MCTP2: variants seen among roughly 807,000 people sequenced by gnomAD.
MCTP2 encodes the protein multiple C2 and transmembrane domain containing 2.
A neutral mutation model predicts 111.6 loss-of-function variants in MCTP2; 132 were observed. The ratio of observed to expected loss-of-function variants is 1.18; its 90% CI spans 1.03 to 1.37. The LOEUF (loss-of-function observed/expected upper bound fraction) is 1.37, where lower values mean the gene tolerates loss of function less well. Among genes scored for constraint, MCTP2 ranks in the 40% most tolerant of loss-of-function variants. MCTP2 has a pLI of 0.00. For synonymous variants in MCTP2, 395 were observed against 387.7 expected, an observed-to-expected ratio of 1.02 and a Z score of -0.22; for missense variants, 1,183 against 1,067.9, an observed-to-expected ratio of 1.11 and a Z score of -1.50.
chr15:94,377,652 TC>T (rs2079850336), intron 12 of MCTP2, among the ~76,000 whole-genome samples: 1 of 152,212 alleles, frequency 6.6e-6, no homozygotes, highest in Admixed American at 6.5e-5. Flanking sequence ...TTATGATTTT[TC>T]CTGGTGATAT....
chr15:94,369,595 A>G (rs1464980580), intron 11 of MCTP2, among the ~76,000 whole-genome samples: 1 of 151,538 alleles, frequency 6.6e-6, no homozygotes, highest in Non-Finnish European at 1.5e-5. Flanking sequence ...AAAACAGACC[A>G]GAAAATTCAC....
At chr15:94,457,258 G>C (rs946997182) in intron 19 of MCTP2, among the ~76,000 whole-genome samples, 3 of 152,120 alleles carry the variant, frequency 2.0e-5, no homozygotes, top group Non-Finnish European at 2.9e-5. Context: ...CATAGCATCA[G>C]AATATTAAAA....
intron 12 of MCTP2, among the ~76,000 whole-genome samples, chr15:94,379,668 CCTCT>C (rs1282503165): frequency 6.7e-6 from 1 of 148,718 alleles, no homozygotes; most frequent in African/African-American, 2.5e-5. Flanking sequence ...TCGCTATTTG[CCTCT>C]CTCTCTCATA....
At chr15:94,396,251 T>C (rs1176979751) in intron 14 of MCTP2, among the ~76,000 whole-genome samples, 2 of 152,226 alleles carry the variant, frequency 1.3e-5, no homozygotes, top group Non-Finnish European at 2.9e-5. Context: ...AATTGAAAGC[T>C]GTATTTTTCC....
intron 19 of MCTP2, among the ~76,000 whole-genome samples, chr15:94,455,672 G>A (rs751135180): frequency 9.9e-5 from 15 of 152,004 alleles, no homozygotes; most frequent in Non-Finnish European, 2.1e-4. Context: ...TTATCTGCCC[G>A]CCTTGGCCTC....
At chr15:94,291,278 C>T (rs1425760562) in intron 1 of MCTP2, among the ~76,000 whole-genome samples, 1 of 152,022 alleles carries the variant, frequency 6.6e-6, no homozygotes. Context: ...AAACCATGAC[C>T]TAAAGAGAAA....
chr15:94,477,727 CT>C (rs2074483208), intron 22 of MCTP2, among the ~76,000 whole-genome samples: 1 of 152,224 alleles, frequency 6.6e-6, no homozygotes, highest in South Asian at 2.1e-4. Flanking sequence ...CTTAGAGTTT[CT>C]TTCCCCTTCA....
At chr15:94,440,767 G>A (rs1026950687) in intron 18 of MCTP2, among the ~76,000 whole-genome samples, 3 of 152,194 alleles carry the variant, frequency 2.0e-5, no homozygotes, top group Non-Finnish European at 4.4e-5. Flanking sequence ...CAACTCCCAG[G>A]GCAATCAGAG....
rs1308307633 is a variant in MCTP2 at position 94,476,783 on chromosome 15, A to T, written c.2558A>T (p.Asp853Val). The part of the protein sequence containing the change: ...LLDFLSRVPS[D>V]VQKVQYAELK... The stretch of plus-strand genomic sequence containing the variant: ...GACTTCCTCTCTAGGGTACCGTCTG[A>T]TGTTCAAAAGGTATGTAATGAATGG... Residue 853 changes from aspartate (D) to valine (V), a missense_variant, in exon 22 of 23, where the codon GAT becomes GTT. Asp to Val is a radical substitution (Grantham distance 152). Transcript: ENST00000357742. 6.3e-7 allele frequency: 1 copy of T among 1,592,560 alleles called. No homozygotes were observed. Among genetic ancestry groups the T allele is most frequent in the East Asian group, 2.2e-5 (1 of 44,732 alleles).
chr15:94,412,570 G>T (rs1320388970), intron 17 of MCTP2, among the ~76,000 whole-genome samples: 1 of 152,054 alleles, frequency 6.6e-6, no homozygotes. Flanking sequence ...TGTTTGGGAG[G>T]TGTTTAAGTT....
chr15:94,445,560 T>C (rs1235266184), intron 19 of MCTP2, among the ~76,000 whole-genome samples: 1 of 152,182 alleles, frequency 6.6e-6, no homozygotes, highest in Non-Finnish European at 1.5e-5. Flanking sequence ...TGAGTGCACA[T>C]ACACATATGT....
intron 6 of MCTP2, 140 bp from the exon 7 acceptor site, chr15:94,340,673 C>G: frequency 1.8e-6 from 1 of 563,378 alleles, no homozygotes; most frequent in Admixed American, 3.4e-5. Context: ...GTTTTATTTT[C>G]ACTAAATTTT....
At chr15:94,462,634 A>C (rs924901134) in intron 20 of MCTP2, among the ~76,000 whole-genome samples, 1 of 152,190 alleles carries the variant, frequency 6.6e-6, no homozygotes. Context: ...CATGAGTAAC[A>C]TGTGCTTATT....
At chr15:94,466,160 G>A (rs2073269525) in intron 20 of MCTP2, among the ~76,000 whole-genome samples, 2 of 151,900 alleles carry the variant, frequency 1.3e-5, no homozygotes, top group Non-Finnish European at 2.9e-5. Flanking sequence ...TCTCTTACAT[G>A]ATTTTTAACA....
chr15:94,287,875 G>A (rs2074836198), intron 1 of MCTP2, among the ~76,000 whole-genome samples: 1 of 152,186 alleles, frequency 6.6e-6, no homozygotes, highest in South Asian at 2.1e-4. Flanking sequence ...GAAGGAAAGA[G>A]AAAGAGATGA....
intron 19 of MCTP2, among the ~76,000 whole-genome samples, chr15:94,451,016 C>T (rs560783112): frequency 1.3e-4 from 20 of 152,282 alleles, no homozygotes; most frequent in African/African-American, 3.1e-4. Context: ...GGATACCCAA[C>T]GCCAACAAGG....
intron 1 of MCTP2, among the ~76,000 whole-genome samples, chr15:94,258,820 A>G (rs1481372258): frequency 2.6e-5 from 4 of 152,244 alleles, no homozygotes; most frequent in South Asian, 2.1e-4. Context: ...TTGTTTTCCA[A>G]CAGGTTAAAG....
chr15:94,458,293 C>G lies in MCTP2; in HGVS notation c.2360+47C>G, dbSNP rs1233699629. 3.5e-6 allele frequency: 4 copies of G among 1,151,702 alleles called. No individual in the cohort carries two copies. In the Admixed American group the frequency reaches 5.1e-5, roughly 15 times the overall value. The allele number at this position is 1,151,702 out of a possible 1,614,324, so 71.3% of individuals were successfully genotyped here. A position where few individuals can be genotyped will look rare whatever the true frequency, so the allele number is the denominator to read the frequency against. On this transcript the variant is annotated intron_variant, in intron 20 of 22. Transcript: ENST00000357742. The stretch of plus-strand genomic sequence containing the variant: ...TGGTGTTTGCAGTAGACCTGCTATC[C>G]ACAAGGACAGTGGGGTAATGGCAGT...
chr15:94,262,950 T>C (rs2073281006), intron 1 of MCTP2, among the ~76,000 whole-genome samples: 1 of 152,164 alleles, frequency 6.6e-6, no homozygotes, highest in Non-Finnish European at 1.5e-5. Context: ...GGATTACAGG[T>C]GTGTGCCACT....
Sources: allele counts gnomAD v4.1 joint callset (sites outside exome capture counted in the v4.1 genomes callset), GRCh38; gene constraint gnomAD v4.1.1; transcripts MANE v1.5; gene names NCBI Gene and HGNC (gene_info 2026-07-23, HGNC 2026-07-21).